The following CIT variants were observed in gnomAD, a reference collection of about 807,000 sequenced individuals.
CIT encodes citron Rho-interacting kinase.
In CIT, 79 loss-of-function variants were observed where a neutral mutation model predicts 272.7. That is an observed-to-expected ratio of 0.29 (90% CI 0.24 to 0.35). The LOEUF is 0.35. Ranked by LOEUF, CIT falls within the 10% of genes least tolerant of loss-of-function variation. CIT has a pLI of 1.00. For missense variants in CIT, 1,909 were observed against 2,618.3 expected (o/e 0.73, Z 5.91); for synonymous variants, 948 against 995.6 (o/e 0.95, Z 0.90).
intron 9 of CIT, among the ~76,000 whole-genome samples, chr12:119,816,963 T>A (rs1967244490): frequency 6.6e-6 from 1 of 152,158 alleles, no homozygotes; most frequent in South Asian, 2.1e-4. Flanking sequence ...CAGCAAAGAA[T>A]TATCTGGCCC....
At chr12:119,877,214 G>A (rs1179388583) in intron 1 of CIT, 35 bp downstream of exon 1, 1 of 152,238 alleles carries the variant, frequency 6.6e-6, no homozygotes, top group Non-Finnish European at 1.5e-5. Flanking sequence ...GCAGAGCCGG[G>A]TGCGGTAGAA....
intron 2 of CIT, among the ~76,000 whole-genome samples, chr12:119,875,002 T>G (rs536862138): frequency 1.4e-4 from 21 of 152,322 alleles, no homozygotes; most frequent in Non-Finnish European, 2.6e-4. Context: ...TTTTCTTTCT[T>G]CAATAAAAGG....
At chr12:119,825,585 A>G (rs906505300) in intron 7 of CIT, among the ~76,000 whole-genome samples, 1 of 152,144 alleles carries the variant, frequency 6.6e-6, no homozygotes, top group African/African-American at 2.4e-5. Flanking sequence ...ATCCAAGGGC[A>G]AAAGGGCAAG....
chr12:119,860,279 G>T (rs1031701010), intron 3 of CIT, among the ~76,000 whole-genome samples: 1 of 151,950 alleles, frequency 6.6e-6, no homozygotes, highest in African/African-American at 2.4e-5. Context: ...ACCTTCCCTT[G>T]GTCCCTTGGG....
At chr12:119,876,307 A>C in intron 1 of CIT, 126 bp from the exon 2 acceptor site, 1 of 592,836 alleles carries the variant, frequency 1.7e-6, no homozygotes, top group Non-Finnish European at 3.0e-6. Context: ...CAGTTTTAGG[A>C]AGCTCAGTCT....
At chr12:119,842,658 T>A (rs1969490274) in intron 5 of CIT, among the ~76,000 whole-genome samples, 1 of 152,092 alleles carries the variant, frequency 6.6e-6, no homozygotes, top group South Asian at 2.1e-4. Context: ...CCACATTCAC[T>A]GGCTTATTGT....
At chr12:119,830,057 A>C (rs1968500194) in intron 7 of CIT, among the ~76,000 whole-genome samples, 1 of 150,944 alleles carries the variant, frequency 6.6e-6, no homozygotes, top group Non-Finnish European at 1.5e-5. Context: ...TTAACCCAAA[A>C]CCACTATTAA....
intron 5 of CIT, among the ~76,000 whole-genome samples, chr12:119,834,429 T>C (rs1399687664): frequency 6.6e-6 from 1 of 152,198 alleles, no homozygotes; most frequent in East Asian, 1.9e-4. Context: ...GGAATCAATA[T>C]AATGAAAGAC....
At chr12:119,753,166 A>G (rs1960475684) in intron 22 of CIT, among the ~76,000 whole-genome samples, 1 of 152,228 alleles carries the variant, frequency 6.6e-6, no homozygotes, top group East Asian at 1.9e-4. Flanking sequence ...CAACTCAGAG[A>G]TGCTTGCTGC....
At chr12:119,843,982 G>A (rs1048195931) in intron 5 of CIT, among the ~76,000 whole-genome samples, 8 of 150,772 alleles carry the variant, frequency 5.3e-5, no homozygotes, top group Admixed American at 6.6e-5. Context: ...TCCAGATTCA[G>A]AATTTTTCAG....
intron 5 of CIT, among the ~76,000 whole-genome samples, chr12:119,836,838 T>A (rs1404377872): frequency 2.6e-5 from 4 of 152,210 alleles, no homozygotes; most frequent in African/African-American, 9.6e-5. Flanking sequence ...CTATTTGCAA[T>A]GACCAGTAAA....
chr12:119,831,120 C>T (rs986523756), intron 7 of CIT, among the ~76,000 whole-genome samples: 1 of 152,136 alleles, frequency 6.6e-6, no homozygotes, highest in African/African-American at 2.4e-5. Context: ...GACCTCCAAA[C>T]GTGCTGGGAT....
At chr12:119,875,614 C>T (rs749515380) in intron 2 of CIT, among the ~76,000 whole-genome samples, 7 of 152,150 alleles carry the variant, frequency 4.6e-5, no homozygotes, top group African/African-American at 7.2e-5. Context: ...CATGGTGGCA[C>T]AGGCCTAGAG....
rs574418676 is a variant in CIT, at chr12:119,708,302, C to G, written c.5088G>C (p.Leu1696=). Residue 1696 remains leucine (L), a synonymous_variant, in exon 40 of 48, where the codon CTG becomes CTC. Coordinates refer to ENST00000392521, the MANE Select transcript of CIT (RefSeq NM_001206999.2). ...TCACTTTCTTCACGTCCACAAGACA[C>G]AGTGCCCGCTCTTCTCCTGAACAGG... ...LLMIAGEERA[L]CLVDVKKVKQ... 2.5e-6 allele frequency: 4 copies of G among 1,599,074 alleles called. No homozygotes were observed. Among genetic ancestry groups the G allele is most frequent in the East Asian group, 2.3e-5 (1 of 43,528 alleles).
chr12:119,816,263 T>C (rs532207899), intron 9 of CIT, among the ~76,000 whole-genome samples: 1 of 152,292 alleles, frequency 6.6e-6, no homozygotes, highest in South Asian at 2.1e-4. Context: ...AATATCTTTT[T>C]GCTATCAGAA....
chr12:119,827,970 C>T (rs556151102), intron 7 of CIT, among the ~76,000 whole-genome samples: 18 of 152,294 alleles, frequency 1.2e-4, no homozygotes, highest in Non-Finnish European at 1.8e-4. Context: ...TTGCAGCTCA[C>T]AGGGCAGTCA....
rs538614394 is a variant in CIT, at chr12:119,746,873, TA to T, written c.2905-4410del. Among the ~76,000 whole-genome samples, 106 of 152,320 alleles carry T rather than the reference TA, an allele frequency of 7.0e-4. 1 individual carries two copies. In the South Asian group the frequency reaches 0.021, roughly 30 times the overall value. ...TGAACTAGTCACAGTAAGAAAATGGTAAGTCATATGCTTTATGTTTTTTGAA... is the reference window on the plus strand; with the variant it reads ...TGAACTAGTCACAGTAAGAAAATGGTAGTCATATGCTTTATGTTTTTTGAA... On this transcript the variant is annotated intron_variant, in intron 23 of 47. Transcript: ENST00000392521.
chr12:119,752,330 T>G, intron 22 of CIT, 83 bp from the exon 23 acceptor site: 1 of 1,293,892 alleles, frequency 7.7e-7, no homozygotes, highest in Non-Finnish European at 1.0e-6. Flanking sequence ...GACCTGCTAC[T>G]CAACCTGCAG....
intron 5 of CIT, 70 bp from the exon 6 acceptor site, chr12:119,834,298 G>T (rs1028326540): frequency 3.0e-6 from 4 of 1,337,164 alleles, no homozygotes; most frequent in Non-Finnish European, 4.1e-6. Flanking sequence ...TTAGATCCTC[G>T]AATATCACCT....
Sources: allele counts gnomAD v4.1 joint callset (sites outside exome capture counted in the v4.1 genomes callset), GRCh38; gene constraint gnomAD v4.1.1; transcripts MANE v1.5; gene names NCBI Gene and HGNC (gene_info 2026-07-23, HGNC 2026-07-21).